Variants in PCDHA1 observed in about 807,000 individuals in gnomAD.
PCDHA1 encodes the protein protocadherin alpha 1.
Under a neutral mutation model 61.3 loss-of-function variants are expected in PCDHA1, and 42 were observed. The ratio of observed to expected loss-of-function variants is 0.69; its 90% CI spans 0.54 to 0.89. PCDHA1 has a LOEUF of 0.89. PCDHA1 is among the 40% of genes least tolerant of loss of function. The probability of loss-of-function intolerance (pLI) is 0.00; values close to 1 mark genes in which losing one functional copy is unlikely to be tolerated. For missense variants in PCDHA1, 1,256 were observed against 1,235.3 expected (o/e 1.02, Z -0.25); for synonymous variants, 610 against 553.8 (o/e 1.10, Z -1.43).
intron 1 of PCDHA1, chr5:140,858,541 C>T (rs1021379839): frequency 7.9e-6 from 11 of 1,395,984 alleles, no homozygotes; most frequent in Non-Finnish European, 1.1e-5. Context: ...TGTCTACATT[C>T]CATTTATGCT....
intron 1 of PCDHA1, chr5:140,863,447 G>A: frequency 1.7e-6 from 1 of 575,684 alleles, no homozygotes; most frequent in Non-Finnish European, 3.3e-6. Flanking sequence ...CTTACTCGCA[G>A]CAAAGGAGAT....
chr5:140,930,037 GC>G (rs2086548182), intron 1 of PCDHA1: 6 of 152,140 alleles, frequency 3.9e-5, no homozygotes, highest in African/African-American at 1.4e-4. Flanking sequence ...TTTTGTAACT[GC>G]TTTGGAGTTT....
chr5:140,929,540 G>A, intron 1 of PCDHA1: 1 of 549,498 alleles, frequency 1.8e-6, no homozygotes, highest in Admixed American at 4.2e-5. Context: ...GAGAAACAAG[G>A]GCAAAAATTA....
At chr5:140,854,143 C>CA (rs1554147026) in intron 1 of PCDHA1, 3 of 432,586 alleles carry the variant, frequency 6.9e-6, no homozygotes, top group Non-Finnish European at 8.7e-6. Flanking sequence ...GCCCGGGTGA[C>CA]AGCAAGATTC....
At chr5:140,791,206 A>C (rs1562142488) in intron 1 of PCDHA1, among the ~76,000 whole-genome samples, 1 of 152,342 alleles carries the variant, frequency 6.6e-6, no homozygotes, top group East Asian at 1.9e-4. Context: ...GGAGGATTTC[A>C]CTTTTCTGTT....
chr5:140,805,743 A>T, intron 1 of PCDHA1: 1 of 270,886 alleles, frequency 3.7e-6, no homozygotes, highest in Non-Finnish European at 5.7e-6. Context: ...TCAACATTGA[A>T]CTTGAAATAC....
chr5:140,883,507 G>T (rs782325165), intron 1 of PCDHA1: 1 of 1,614,200 alleles, frequency 6.2e-7, no homozygotes, highest in South Asian at 1.1e-5. Flanking sequence ...ACAGCGCCCT[G>T]GACCGCGAGA....
At chr5:140,903,302 T>C (rs1299735621) in intron 1 of PCDHA1, among the ~76,000 whole-genome samples, 2 of 152,136 alleles carry the variant, frequency 1.3e-5, no homozygotes, top group Admixed American at 6.5e-5. Flanking sequence ...AAATTTAGTA[T>C]ACAATAAAGA....
chr5:140,941,199 C>CT (rs879983584), intron 1 of PCDHA1, among the ~76,000 whole-genome samples: 21,657 of 115,670 alleles, frequency 0.19, 2,171 homozygotes, highest in East Asian at 0.37. Flanking sequence ...TTTTTTCTTT[C>CT]TTCCTTTCTT....
chr5:140,791,616 A>T (rs1761666939), intron 1 of PCDHA1, among the ~76,000 whole-genome samples: 1 of 152,342 alleles, frequency 6.6e-6, no homozygotes, highest in African/African-American at 2.4e-5. Flanking sequence ...CAACTGTAGG[A>T]GAACATTATT....
rs1554156315 is a variant in PCDHA1 at position 140,862,411 on chromosome 5, A to C, written c.2394+73727A>C. ...CTTCAAGCTGGTGTCTACCTTCAAA[A>C]GGCGCTGCCCAGAAACTATTCGTTG... On this transcript the variant is annotated intron_variant, in intron 1 of 3. Transcript: ENST00000504120. 3 of 349,868 alleles carry C rather than the reference A, an allele frequency of 8.6e-6. No individual in the cohort carries two copies. The Admixed American group carries it at 1.1e-4, about 13-fold the overall frequency. The allele number at this position is 349,868 out of a possible 1,614,324, so 21.7% of individuals were successfully genotyped here.
chr5:140,989,528 G>A (rs1451731382), intron 3 of PCDHA1, among the ~76,000 whole-genome samples: 2 of 152,178 alleles, frequency 1.3e-5, no homozygotes, highest in African/African-American at 4.8e-5. Context: ...GGCAGAGGAG[G>A]AAGATAGTTT....
chr5:140,871,487 C>A, intron 1 of PCDHA1: 1 of 1,591,808 alleles, frequency 6.3e-7, no homozygotes, highest in South Asian at 1.1e-5. Flanking sequence ...TCAAATCACC[C>A]CGGACAGGTG....
chr5:140,824,240 TG>T (rs2150133455), intron 1 of PCDHA1: 160 of 1,495,102 alleles, frequency 1.1e-4, no homozygotes, highest in Middle Eastern at 6.9e-4. Flanking sequence ...ACAAATATTG[TG>T]GTACACAATT....
At chr5:140,869,882 T>C (rs1181573683) in intron 1 of PCDHA1, 1 of 1,610,250 alleles carries the variant, frequency 6.2e-7, no homozygotes, top group African/African-American at 1.3e-5. Flanking sequence ...AAAGAAACTC[T>C]TGTGCTCAAA....
intron 1 of PCDHA1, among the ~76,000 whole-genome samples, chr5:140,889,913 T>C (rs1287325026): frequency 6.6e-6 from 1 of 152,172 alleles, no homozygotes; most frequent in Admixed American, 6.5e-5. Context: ...ATTGTCATAC[T>C]GTAAAGAAGC....
Position 140,884,686 on chromosome 5 carries a change from G to C in PCDHA1, c.2395-94263G>C, listed in dbSNP as rs376199469. 72 of 1,538,980 alleles carry C rather than the reference G, an allele frequency of 4.7e-5. No homozygotes were observed. The African/African-American group carries it at 8.7e-4, about 19-fold the overall frequency. ...AGGTAAGCTTATATTTTAAAAAATT[G>C]TCTTAGTAAACACTTTAGCCTTCCT... On this transcript the variant is annotated intron_variant, in intron 1 of 3. Transcript: ENST00000504120.
rs782041085 is a variant in PCDHA1, at chr5:140,807,640, G to A, written c.2394+18956G>A. 8.7e-6 allele frequency: 14 copies of A among 1,614,206 alleles called. No homozygotes were observed. The South Asian group carries it at 1.5e-4, about 18-fold the overall frequency. ...CGGAATCCAGGCCGCTTGACTCTCG[G>A]TTTCCACTAGAGGGCGCCTCGGATG... On this transcript the variant is annotated intron_variant, in intron 1 of 3. Coordinates refer to ENST00000504120, the MANE Select transcript of PCDHA1 (RefSeq NM_018900.4).
intron 3 of PCDHA1, among the ~76,000 whole-genome samples, chr5:140,995,481 T>C (rs190039428): frequency 5.9e-5 from 9 of 152,308 alleles, no homozygotes; most frequent in Admixed American, 5.9e-4. Context: ...CATTTAATAT[T>C]TTCAGACTAA....
Sources: gnomAD v4.1 joint callset for allele counts (sites outside exome capture counted in the v4.1 genomes callset) on GRCh38, gnomAD v4.1.1 for gene constraint, MANE v1.5 for transcripts, NCBI Gene and HGNC (gene_info 2026-07-23, HGNC 2026-07-21) for gene names.